TECPR1: variants seen among roughly 807,000 people sequenced by gnomAD.
TECPR1 encodes the protein tectonin beta-propeller repeat containing 1, also known as tectonin beta-propeller repeat-containing protein 1.
Under a neutral mutation model 162.4 loss-of-function variants are expected in TECPR1, and 122 were observed. The observed-to-expected ratio is 0.75, with a 90% confidence interval of 0.65 to 0.87. TECPR1 has a LOEUF of 0.87. Among genes scored for constraint, TECPR1 ranks in the 40% least tolerant of loss-of-function variants. The probability of loss-of-function intolerance (pLI) is 0.00; values close to 1 mark genes in which losing one functional copy is unlikely to be tolerated. For synonymous variants in TECPR1, 642 were observed against 670.6 expected, an observed-to-expected ratio of 0.96 and a Z score of 0.66; for missense variants, 1,432 against 1,618.2, an observed-to-expected ratio of 0.88 and a Z score of 1.97.
intron 24 of TECPR1, 43 bp downstream of exon 24, chr7:98,217,893 A>C (rs1798054506): frequency 1.2e-5 from 18 of 1,546,540 alleles, no homozygotes; most frequent in Non-Finnish European, 1.6e-5. Flanking sequence ...CAGAGAGGGA[A>C]CCAGAGCACC....
In TECPR1 at chr7:98,243,518, C is replaced by T. The variant is rs117632823; in HGVS notation, c.606G>A (p.Thr202=). The T allele has an allele frequency of 7.3e-3, 11,695 of 1,612,668 alleles. 54 individuals carry two copies. Among genetic ancestry groups the T allele is most frequent in the Non-Finnish European group, 8.6e-3 (10,157 of 1,179,814 alleles). Residue 202 remains threonine, a synonymous_variant, in exon 6 of 26, where the codon ACG becomes ACA. Transcript: ENST00000447648. ...CTGACAGGCGGCCCACAGGCTCCTC[C>T]GTGATCTCCCAGCCCCCTACAGAGA... is the stretch of plus-strand genomic sequence containing the variant. The part of the protein sequence containing the change: ...NDLSVGGWEI[T]EEPVGRLSVW...
intron 23 of TECPR1, among the ~76,000 whole-genome samples, chr7:98,221,434 A>C (rs2116533139): frequency 6.6e-6 from 1 of 152,134 alleles, no homozygotes. Flanking sequence ...AAAACATCTC[A>C]TGTACCCCAT....
intron 3 of TECPR1, 41 bp downstream of exon 3, chr7:98,245,881 G>A (rs1485707439): frequency 1.8e-5 from 28 of 1,540,062 alleles, no homozygotes; most frequent in South Asian, 4.7e-5. Context: ...ATAACCCAGC[G>A]AACTGACCCG....
At chr7:98,227,969 G>T in intron 17 of TECPR1, 45 bp downstream of exon 17, 1 of 1,529,256 alleles carries the variant, frequency 6.5e-7, no homozygotes, top group Non-Finnish European at 9.0e-7. Context: ...CCAGGACTAA[G>T]GCCTATGCCA....
intron 23 of TECPR1, among the ~76,000 whole-genome samples, chr7:98,219,802 G>A (rs1419093820): frequency 6.6e-6 from 1 of 152,032 alleles, no homozygotes; most frequent in African/African-American, 2.4e-5. Flanking sequence ...TCGGGAGGCT[G>A]AGGTAGGAGA....
intron 9 of TECPR1, 125 bp downstream of exon 9, chr7:98,238,384 T>C: frequency 1.3e-6 from 1 of 778,234 alleles, no homozygotes; most frequent in Non-Finnish European, 2.1e-6. Flanking sequence ...AAAGAACTTC[T>C]TGCTCAGTAC....
At position 98,241,404 on chromosome 7, in the gene TECPR1, G is replaced by A. The variant is rs966975534; in HGVS notation, c.658-160C>T. 94 of 818,636 alleles carry A rather than the reference G, an allele frequency of 1.1e-4. 1 individual carries two copies. Among genetic ancestry groups the A allele is most frequent in the Non-Finnish European group, 1.6e-4 (86 of 524,978 alleles). 50.7% of individuals were successfully genotyped at this position (818,636 alleles called of 1,614,324 possible). On this transcript the variant is annotated intron_variant, in intron 6 of 25. Transcript: ENST00000447648. The surrounding 1 kb of genome is among the most constrained non-coding windows in gnomAD (Gnocchi z 5.0). Reference sequence around the variant, plus strand: ...CCAAAAAACGCAAACCCTGGATTCCGGTGGTCCTGAGGGATACACTTGTTC... The same window carrying A: ...CCAAAAAACGCAAACCCTGGATTCCAGTGGTCCTGAGGGATACACTTGTTC...
rs1264790218 is a variant in TECPR1, at chr7:98,222,973, C to T, written c.2928+17G>A. 6.2e-7 allele frequency: 1 copy of T among 1,610,294 alleles called. No individual in the cohort carries two copies. Among genetic ancestry groups the T allele is most frequent in the South Asian group, 1.1e-5 (1 of 90,636 alleles). ...AGGTCTCATTTCAAGAAGAATCTGTCTGGCCCCGGCACTCACCGCAGGGTT... is the reference window on the plus strand; with the variant it reads ...AGGTCTCATTTCAAGAAGAATCTGTTTGGCCCCGGCACTCACCGCAGGGTT... On this transcript the variant is annotated intron_variant, in intron 21 of 25. Transcript: ENST00000447648.
rs1170959072 is a variant in TECPR1 at position 98,224,898 on chromosome 7, G to C, written c.2611-18C>G. The C allele has an allele frequency of 1.9e-6, 3 of 1,556,286 alleles. No homozygotes were observed. In the South Asian group the frequency reaches 3.6e-5, roughly 18 times the overall value. On this transcript the variant is annotated intron_variant, in intron 18 of 25. Coordinates refer to ENST00000447648, the MANE Select transcript of TECPR1 (RefSeq NM_015395.3). ...TCGGAAACCTGGGAGGAGTGGGTCA[G>C]TGAGGATGGGACCCCCCGAATCCAG... is the stretch of plus-strand genomic sequence containing the variant.
chr7:98,217,686 G>A lies in TECPR1; in HGVS notation c.3384+6C>T, dbSNP rs539277605. 53 of 1,537,138 alleles carry A rather than the reference G, an allele frequency of 3.4e-5. No homozygotes were observed. Among genetic ancestry groups the A allele is most frequent in the African/African-American group, 1.9e-4 (14 of 72,948 alleles). ...AACACAGCCCAAGGCCGCGGGCCCC[G>A]CTCACCCCGATGCCGTAGTCCCAGC... On this transcript the variant is annotated splice_donor_region_variant and intron_variant, in intron 25 of 25. Transcript: ENST00000447648.
At chr7:98,236,545 T>A (rs1003757057) in intron 10 of TECPR1, among the ~76,000 whole-genome samples, 1 of 151,400 alleles carries the variant, frequency 6.6e-6, no homozygotes, top group Non-Finnish European at 1.5e-5. Flanking sequence ...CCAGAGTATG[T>A]CAAACACCTC....
In TECPR1 at chr7:98,217,363, C is replaced by A; in HGVS notation, c.*27G>T. On this transcript the variant is annotated 3_prime_UTR_variant, in exon 26 of 26. Transcript: ENST00000447648. ...CTTGATCCCCCAAACTGGGCACCGT[C>A]CCTGCATGTAGGTGTGTGGGGGGGC... is the stretch of plus-strand genomic sequence containing the variant. 2.9e-6 allele frequency: 4 copies of A among 1,396,032 alleles called. No individual in the cohort carries two copies. Among genetic ancestry groups the A allele is most frequent in the Non-Finnish European group, 3.9e-6 (4 of 1,016,726 alleles). 86.5% of individuals were successfully genotyped at this position (1,396,032 alleles called of 1,614,324 possible). A position where few individuals can be genotyped will look rare whatever the true frequency, so the allele number is the denominator to read the frequency against.
At position 98,244,685 on chromosome 7, in the gene TECPR1, C is replaced by G. The variant is rs769488912; in HGVS notation, c.417G>C (p.Thr139=). The G allele has an allele frequency of 1.2e-6, 2 of 1,610,312 alleles. No homozygotes were observed. Among genetic ancestry groups the G allele is most frequent in the South Asian group, 2.2e-5 (2 of 90,740 alleles). ...AGGTGGCGGGAAAGTCGATGGCGTA[C>G]GTCCACCCCTGAAACACCAAGGAAG... The part of the protein sequence containing the change: ...GGEPTEKGGW[T]YAIDFPATYT... Residue 139 remains threonine, a synonymous_variant, in exon 5 of 26, where the codon ACG becomes ACC. Coordinates refer to ENST00000447648, the MANE Select transcript of TECPR1 (RefSeq NM_015395.3).
intron 21 of TECPR1, chr7:98,222,788 C>T (rs2116538635): frequency 1.2e-6 from 1 of 817,634 alleles, no homozygotes; most frequent in South Asian, 1.6e-5. Flanking sequence ...CAAAGAGCCG[C>T]AGTGTCCCCT....
At chr7:98,227,987 TC>T (rs1798322032) in intron 17 of TECPR1, 26 bp downstream of exon 17, 1 of 1,584,734 alleles carries the variant, frequency 6.3e-7, no homozygotes, top group Non-Finnish European at 8.6e-7. Context: ...CCAGGCAGCA[TC>T]CTGGCCGGGC....
chr7:98,219,819 T>C (rs1798099826), intron 23 of TECPR1, among the ~76,000 whole-genome samples: 1 of 151,938 alleles, frequency 6.6e-6, no homozygotes, highest in Admixed American at 6.6e-5. Flanking sequence ...GAGAATCGCT[T>C]GAACCTGGGA....
At chr7:98,227,901 C>T (rs1798319731) in intron 17 of TECPR1, 113 bp downstream of exon 17, 2 of 766,652 alleles carry the variant, frequency 2.6e-6, no homozygotes, top group Non-Finnish European at 4.4e-6. Context: ...CTGCTGGCGG[C>T]CTGACACCAG....
chr7:98,228,061 G>C lies in TECPR1; in HGVS notation c.2466C>G (p.His822Gln). The stretch of plus-strand genomic sequence containing the variant: ...GGTTCCAGCGCTGGTTCTCATAGAT[G>C]TGAACACACTTCACGTCTGACTGCG... Reference protein sequence around the residue: ...IYTQSDVKCVHIYENQRWNPV... With the variant: ...IYTQSDVKCVQIYENQRWNPV... The change falls in exon 17 of 26, where the codon CAC (histidine) becomes CAG (glutamine). Residue 822 changes from histidine (H) to glutamine (Q), a missense_variant. By Grantham distance (24) the His-to-Gln change is conservative (BLOSUM62 0). Transcript: ENST00000447648. 2 of 1,613,154 alleles carry C rather than the reference G, an allele frequency of 1.2e-6. No individual in the cohort carries two copies. Among genetic ancestry groups the C allele is most frequent in the Non-Finnish European group, 1.7e-6 (2 of 1,179,658 alleles).
Position 98,233,907 on chromosome 7 carries a change from C to A in TECPR1, c.1186G>T (p.Gly396Cys). ...CTCACCTCATCACCGAAGAAGCAGCCGGCACTGGGGACAAATCAGGGCAGA... is the reference window on the plus strand; with the variant it reads ...CTCACCTCATCACCGAAGAAGCAGCAGGCACTGGGGACAAATCAGGGCAGA... ...SGSSSSLLSA[G>C]CFFGDEVRGS... The change falls in exon 11 of 26, where the codon GGC becomes TGC. Residue 396 changes from glycine (G) to cysteine (C), a missense_variant. By Grantham distance (159) the Gly-to-Cys change is radical (BLOSUM62 -3). Coordinates refer to ENST00000447648, the MANE Select transcript of TECPR1 (RefSeq NM_015395.3). 6.5e-7 allele frequency: 1 copy of A among 1,531,538 alleles called. No homozygotes were observed. The highest frequency in any genetic ancestry group is 2.0e-5 in the Admixed American group (1 of 49,828). 94.9% of individuals were successfully genotyped at this position (1,531,538 alleles called of 1,614,324 possible).
Sources: allele counts gnomAD v4.1 joint callset (sites outside exome capture counted in the v4.1 genomes callset), GRCh38; gene constraint gnomAD v4.1.1; non-coding constraint Gnocchi (gnomAD v3.1); transcripts MANE v1.5; gene names NCBI Gene and HGNC (gene_info 2026-07-23, HGNC 2026-07-21).